The following INPP5B variants were observed in gnomAD, a reference collection of about 807,000 sequenced individuals.
INPP5B encodes the protein type II inositol 1,4,5-trisphosphate 5-phosphatase.
INPP5B carries 90 observed loss-of-function variants against 118.5 expected under a neutral mutation model. The observed-to-expected ratio is 0.76, with a 90% CI of 0.64 to 0.90. INPP5B has a LOEUF of 0.90. Among genes scored for constraint, INPP5B ranks in the 40% least tolerant of loss-of-function variants. INPP5B has a pLI of 0.00. For missense variants in INPP5B, 984 were observed against 1,125.6 expected (o/e 0.87, Z 1.80); for synonymous variants, 385 against 418.9 (o/e 0.92, Z 0.99).
chr1:37,898,455 G>A (rs569053475), intron 7 of INPP5B, among the ~76,000 whole-genome samples: 1 of 152,324 alleles, frequency 6.6e-6, no homozygotes, highest in Non-Finnish European at 1.5e-5. Context: ...CAGCACTTTG[G>A]GAGGCCGAGG....
chr1:37,898,089 C>A (rs1304046679), intron 7 of INPP5B, among the ~76,000 whole-genome samples: 3 of 152,040 alleles, frequency 2.0e-5, no homozygotes, highest in Non-Finnish European at 2.9e-5. Context: ...AAATATTAAG[C>A]AATTAGAAAA....
intron 14 of INPP5B, 135 bp downstream of exon 14, chr1:37,882,672 G>T (rs1360196164): frequency 1.6e-6 from 1 of 641,446 alleles, no homozygotes; most frequent in South Asian, 1.9e-5. Flanking sequence ...ATGAAGAAAT[G>T]ACTGGACAAC....
At chr1:37,935,413 T>G (rs1263272989) in intron 6 of INPP5B, among the ~76,000 whole-genome samples, 10 of 151,028 alleles carry the variant, frequency 6.6e-5, no homozygotes, top group Non-Finnish European at 1.2e-4. Flanking sequence ...AGGCTGGTCT[T>G]GAACTCCTGA....
At chr1:37,889,869 C>T (rs1643743086) in intron 8 of INPP5B, 145 bp from the exon 9 acceptor site, 2 of 553,942 alleles carry the variant, frequency 3.6e-6, no homozygotes, top group South Asian at 2.8e-5. Context: ...ACTAAAACAA[C>T]ACTATTTCTA....
intron 7 of INPP5B, among the ~76,000 whole-genome samples, chr1:37,899,361 C>T (rs766641505): frequency 2.6e-5 from 4 of 151,656 alleles, no homozygotes; most frequent in Non-Finnish European, 5.9e-5. Context: ...GTTGGGAGTT[C>T]GAGACCAGCC....
At chr1:37,932,319 C>A (rs1313581860) in intron 6 of INPP5B, among the ~76,000 whole-genome samples, 2 of 151,360 alleles carry the variant, frequency 1.3e-5, no homozygotes, top group Non-Finnish European at 2.9e-5. Flanking sequence ...CGTAACACAC[C>A]TTTTATGAGG....
intron 7 of INPP5B, among the ~76,000 whole-genome samples, chr1:37,894,086 A>G (rs1643928285): frequency 6.6e-6 from 1 of 152,224 alleles, no homozygotes; most frequent in Non-Finnish European, 1.5e-5. Context: ...AGATGCTCAA[A>G]TTTGAATATC....
chr1:37,931,677 A>C, intron 7 of INPP5B: 1 of 1,523,944 alleles, frequency 6.6e-7, no homozygotes, highest in Non-Finnish European at 8.8e-7. Context: ...CCGAACCTGC[A>C]GTGTTGCGCT....
intron 21 of INPP5B, 109 bp from the exon 22 acceptor site, chr1:37,865,997 T>A: frequency 6.5e-7 from 1 of 1,527,408 alleles, no homozygotes; most frequent in East Asian, 2.4e-5. Context: ...GGCTCTCTGC[T>A]CAGGGCTAGG....
Position 37,875,715 on chromosome 1 carries a change from A to G in INPP5B, c.1679T>C (p.Val560Ala), listed in dbSNP as rs1214237159. 1 of 1,611,336 alleles carries G rather than the reference A, an allele frequency of 6.2e-7. No homozygotes were observed. The highest frequency in any genetic ancestry group is 2.2e-5 in the East Asian group (1 of 44,872). The part of the protein sequence containing the change: ...KPVSSVFDIG[V>A]RVVNDELYRK... Reference sequence around the variant, plus strand: ...GTAAAGCTCGTCATTTACGACCCTCACCTGAAAGGGAAACATCAGAGACTG... The same window carrying G: ...GTAAAGCTCGTCATTTACGACCCTCGCCTGAAAGGGAAACATCAGAGACTG... Residue 560 changes from valine to alanine, a missense_variant and splice_region_variant, in exon 17 of 24, where the codon GTG becomes GCG. By Grantham distance (64) the Val-to-Ala change is moderately conservative. Coordinates refer to ENST00000373024, the MANE Select transcript of INPP5B (RefSeq NM_005540.3).
chr1:37,892,461 C>G (rs1643876351), intron 7 of INPP5B, among the ~76,000 whole-genome samples: 1 of 152,176 alleles, frequency 6.6e-6, no homozygotes, highest in African/African-American at 2.4e-5. Flanking sequence ...CTTCTCTGCT[C>G]TTTAAAAGCC....
At chr1:37,882,568 A>G (rs1401001537) in intron 14 of INPP5B, among the ~76,000 whole-genome samples, 1 of 152,188 alleles carries the variant, frequency 6.6e-6, no homozygotes, top group Non-Finnish European at 1.5e-5. Context: ...TGACAAGGTG[A>G]GAGAGAGAAC....
At chr1:37,914,276 T>C (rs1644797190) in intron 7 of INPP5B, among the ~76,000 whole-genome samples, 1 of 152,214 alleles carries the variant, frequency 6.6e-6, no homozygotes, top group Non-Finnish European at 1.5e-5. Flanking sequence ...CCATTCTTTA[T>C]TACTTTACTT....
chr1:37,884,268 A>G (rs1359335479), intron 13 of INPP5B: 1 of 152,198 alleles, frequency 6.6e-6, no homozygotes, highest in African/African-American at 2.4e-5. Flanking sequence ...ATAGCCGTCA[A>G]CTGCTGTTTT....
Position 37,932,668 on chromosome 1 carries a change from A to G in INPP5B, c.392-615T>C, listed in dbSNP as rs1312869376. ...AGGCGTGAGCCACCACCCCCGGCCT[A>G]TTATCCCCATTTTATATACAAGGCA... On this transcript the variant is annotated intron_variant, in intron 6 of 23. Transcript: ENST00000373024. 2.6e-5 allele frequency among the ~76,000 whole-genome samples: 4 copies of G among 151,900 alleles called. No homozygotes were observed. The East Asian group carries it at 7.7e-4, about 29-fold the overall frequency.
chr1:37,896,791 C>G, intron 7 of INPP5B, among the ~76,000 whole-genome samples: 1 of 142,368 alleles, frequency 7.0e-6, no homozygotes, highest in South Asian at 2.2e-4. Context: ...GGGGTCAGCC[C>G]CCTGCCCGGC....
chr1:37,869,964 G>A (rs1257527528), intron 19 of INPP5B: 1 of 151,926 alleles, frequency 6.6e-6, no homozygotes, highest in Non-Finnish European at 1.5e-5. Flanking sequence ...TATTAGAATT[G>A]TCTCCATAGG....
At chr1:37,897,325 G>T (rs898038624) in intron 7 of INPP5B, among the ~76,000 whole-genome samples, 1 of 148,848 alleles carries the variant, frequency 6.7e-6, no homozygotes, top group African/African-American at 2.5e-5. Context: ...TGAGAAATCG[G>T]ATGGTTGCCG....
At chr1:37,946,162 G>A in intron 2 of INPP5B, 90 bp downstream of exon 2, 3 of 1,215,588 alleles carry the variant, frequency 2.5e-6, no homozygotes, top group Non-Finnish European at 3.6e-6. Flanking sequence ...GTTCAGAGGG[G>A]CAGGAGAGGG....
Sources: gnomAD v4.1 joint callset for allele counts (sites outside exome capture counted in the v4.1 genomes callset) on GRCh38, gnomAD v4.1.1 for gene constraint, MANE v1.5 for transcripts, NCBI Gene and HGNC (gene_info 2026-07-23, HGNC 2026-07-21) for gene names.